The following EPS15 variants were observed in gnomAD, a reference collection of about 807,000 sequenced individuals.
EPS15 encodes the protein epidermal growth factor receptor substrate 15.
In EPS15, 72 loss-of-function variants were observed where a neutral mutation model predicts 113.8. That is an observed-to-expected ratio of 0.63 (90% CI 0.52 to 0.77). EPS15 has a LOEUF of 0.77. EPS15 is among the 30% of genes least tolerant of loss of function. EPS15 has a pLI of 0.00. For missense variants in EPS15, 1,048 were observed against 1,045.8 expected (o/e 1.00, Z -0.03); for synonymous variants, 344 against 363.4 (o/e 0.95, Z 0.61).
chr1:51,417,410 T>C (rs546296138), intron 13 of EPS15, among the ~76,000 whole-genome samples: 2 of 152,328 alleles, frequency 1.3e-5, no homozygotes, highest in African/African-American at 4.8e-5. Context: ...CCAAAGTTTA[T>C]TCACTTCTGC....
At position 51,355,617 on chromosome 1, in the gene EPS15, A is replaced by G. The variant is rs1646201543; in HGVS notation, c.*1083T>C. On this transcript the variant is annotated 3_prime_UTR_variant, in exon 25 of 25. Coordinates refer to ENST00000371733, the MANE Select transcript of EPS15 (RefSeq NM_001981.3). ...ATGAAGTGAGTAAATAAACTAAACCACAAAGATGGACAAAAAGCAATATGA... is the reference window on the plus strand; with the variant it reads ...ATGAAGTGAGTAAATAAACTAAACCGCAAAGATGGACAAAAAGCAATATGA... 1 of 191,734 alleles carries G rather than the reference A, an allele frequency of 5.2e-6. No homozygotes were observed. 11.9% of individuals were successfully genotyped at this position (191,734 alleles called of 1,614,324 possible). A position where few individuals can be genotyped will look rare whatever the true frequency, so the allele number is the denominator to read the frequency against.
chr1:51,409,757 T>A, intron 13 of EPS15, 61 bp from the exon 14 acceptor site: 1 of 1,131,674 alleles, frequency 8.8e-7, no homozygotes, highest in Non-Finnish European at 1.3e-6. Context: ...GTTAAGTTAG[T>A]AATTTTAAAT....
chr1:51,493,785 T>C (rs933374626), intron 1 of EPS15, among the ~76,000 whole-genome samples: 5 of 151,686 alleles, frequency 3.3e-5, no homozygotes, highest in Admixed American at 6.6e-5. Flanking sequence ...CTAATTTTTG[T>C]ATTTTTTTTA....
intron 1 of EPS15, among the ~76,000 whole-genome samples, chr1:51,503,277 A>C (rs2148553923): frequency 6.6e-6 from 1 of 152,360 alleles, no homozygotes; most frequent in African/African-American, 2.4e-5. Flanking sequence ...GAAACTGGCA[A>C]GCTGATTCTG....
intron 21 of EPS15, among the ~76,000 whole-genome samples, chr1:51,370,181 C>T (rs1350003810): frequency 6.6e-6 from 1 of 152,196 alleles, no homozygotes; most frequent in African/African-American, 2.4e-5. Flanking sequence ...ATCATAATAT[C>T]CATAGTCCAA....
At chr1:51,448,208 C>T in intron 8 of EPS15, 73 bp from the exon 9 acceptor site, 1 of 845,706 alleles carries the variant, frequency 1.2e-6, no homozygotes, top group Non-Finnish European at 1.8e-6. Flanking sequence ...GATTATTGTT[C>T]AATGATAAAT....
At position 51,450,749 on chromosome 1, in the gene EPS15, T is replaced by A. The variant is rs531003178; in HGVS notation, c.562-2614A>T. On this transcript the variant is annotated intron_variant, in intron 8 of 24. Coordinates refer to ENST00000371733, the MANE Select transcript of EPS15 (RefSeq NM_001981.3). ...GGGAATCTATCCATATGAAATGCTG[T>A]ATGAAAAAGATTAATTGCAGCACCG... Among the ~76,000 whole-genome samples the A allele has an allele frequency of 2.0e-5, 3 of 151,932 alleles. No homozygotes were observed. In the South Asian group the frequency reaches 6.2e-4, roughly 32 times the overall value.
chr1:51,368,997 T>C (rs1646577388), intron 21 of EPS15, among the ~76,000 whole-genome samples: 1 of 152,198 alleles, frequency 6.6e-6, no homozygotes, highest in African/African-American at 2.4e-5. Flanking sequence ...CTCATTTCAC[T>C]TGTGGGACTG....
At chr1:51,366,060 G>T in intron 21 of EPS15, 31 bp from the exon 22 acceptor site, 1 of 1,518,820 alleles carries the variant, frequency 6.6e-7, no homozygotes, top group Non-Finnish European at 9.1e-7. Context: ...AAATGAAACA[G>T]GACAGTAAGA....
At position 51,512,534 on chromosome 1, in the gene EPS15, A is replaced by G. The variant is rs183008664; in HGVS notation, c.33+6665T>C. ...AAAAATTTTGCAAAGGATTTTGCAA[A>G]GAAGGGCAAATTTCCTAAATATAAG... On this transcript the variant is annotated intron_variant, in intron 1 of 24. Transcript: ENST00000371733. Among the ~76,000 whole-genome samples the G allele has an allele frequency of 6.2e-4, 94 of 152,316 alleles. 1 individual carries two copies. The highest frequency in any genetic ancestry group is 2.1e-3 in the African/African-American group (86 of 41,582).
chr1:51,447,147 C>G lies in EPS15; in HGVS notation c.652-42G>C, dbSNP rs761946233. The stretch of plus-strand genomic sequence containing the variant: ...AAACAGTATTTCTGCCAAAATGAAA[C>G]AAACTTTGAAGTGTCACTCTTTCAA... On this transcript the variant is annotated intron_variant, in intron 9 of 24. Transcript: ENST00000371733. The G allele has an allele frequency of 6.4e-6, 10 of 1,555,532 alleles. 1 individual carries two copies. In the African/African-American group the frequency reaches 9.6e-5, roughly 15 times the overall value.
chr1:51,423,145 C>T, intron 12 of EPS15: 1 of 1,203,032 alleles, frequency 8.3e-7, no homozygotes. Flanking sequence ...AGAAAGCATA[C>T]AAATAAAGCT....
chr1:51,368,492 T>C (rs1237819506), intron 21 of EPS15, among the ~76,000 whole-genome samples: 1 of 152,224 alleles, frequency 6.6e-6, no homozygotes, highest in Non-Finnish European at 1.5e-5. Context: ...GGCCTTTTCA[T>C]TGATACATAT....
chr1:51,366,024 C>T lies in EPS15; in HGVS notation c.2125G>A (p.Asp709Asn), dbSNP rs151158544. 2 of 1,610,566 alleles carry T rather than the reference C, an allele frequency of 1.2e-6. No individual in the cohort carries two copies. Among genetic ancestry groups the T allele is most frequent in the Non-Finnish European group, 1.7e-6 (2 of 1,177,854 alleles). The change falls in exon 22 of 25, where the codon GAC becomes AAC. Residue 709 changes from aspartate (D) to asparagine (N), a missense_variant. Transcript: ENST00000371733. Reference sequence around the variant, plus strand: ...TTCCCAAAAACAGAAGCAAAGGGGTCTGTGGCTAAAATGAATAAAGAAAAT... The same window carrying T: ...TTCCCAAAAACAGAAGCAAAGGGGTTTGTGGCTAAAATGAATAAAGAAAAT... ...TVVAASDSAT[D>N]PFASVFGNES...
At chr1:51,505,602 T>C (rs1644485460) in intron 1 of EPS15, among the ~76,000 whole-genome samples, 2 of 152,150 alleles carry the variant, frequency 1.3e-5, no homozygotes, top group Non-Finnish European at 2.9e-5. Context: ...TGTTTGCACG[T>C]ATCTGTGAAG....
At chr1:51,437,247 A>G (rs1652222910) in intron 12 of EPS15, among the ~76,000 whole-genome samples, 1 of 152,122 alleles carries the variant, frequency 6.6e-6, no homozygotes, top group South Asian at 2.1e-4. Flanking sequence ...AACTAACTCA[A>G]GTTTATATAT....
At chr1:51,467,353 T>C (rs561317903) in intron 5 of EPS15, among the ~76,000 whole-genome samples, 86 of 152,364 alleles carry the variant, frequency 5.6e-4, no homozygotes, top group Non-Finnish European at 1.1e-3. Flanking sequence ...TTCCTGCACA[T>C]GCAAAATAAC....
intron 13 of EPS15, among the ~76,000 whole-genome samples, chr1:51,420,624 C>A (rs1375056263): frequency 6.6e-6 from 1 of 152,056 alleles, no homozygotes; most frequent in Admixed American, 6.6e-5. Context: ...AGATAACTTA[C>A]CCTCTTATGC....
At position 51,409,713 on chromosome 1, in the gene EPS15, T is replaced by G. The variant is rs74080582; in HGVS notation, c.1114-17A>C. On this transcript the variant is annotated splice_polypyrimidine_tract_variant and intron_variant, in intron 13 of 24. Transcript: ENST00000371733. ...TTGAAGATCCTAAAATCCAAGAAAA[T>G]TAATATATTTATTTTCTTTGCGGGC... 4.0e-5 allele frequency: 63 copies of G among 1,558,790 alleles called. No individual in the cohort carries two copies. The highest frequency in any genetic ancestry group is 5.5e-5 in the Non-Finnish European group (63 of 1,140,346).
Sources: gnomAD v4.1 joint callset for allele counts (sites outside exome capture counted in the v4.1 genomes callset) on GRCh38, gnomAD v4.1.1 for gene constraint, MANE v1.5 for transcripts, NCBI Gene and HGNC (gene_info 2026-07-23, HGNC 2026-07-21) for gene names.